The following ROBO2 variants were observed in gnomAD, a reference collection of about 807,000 sequenced individuals.
ROBO2 encodes the protein roundabout homolog 2.
A neutral mutation model predicts 160.8 loss-of-function variants in ROBO2; 53 were observed. That is an observed-to-expected ratio of 0.33 (90% CI 0.26 to 0.41). The LOEUF (loss-of-function observed/expected upper bound fraction) is 0.41. Ranked by LOEUF, ROBO2 falls within the 10% of genes least tolerant of loss-of-function variation. The pLI is 1.00. For missense variants in ROBO2, 1,577 were observed against 1,722.4 expected (o/e 0.92, Z 1.49); for synonymous variants, 664 against 611.7 (o/e 1.09, Z -1.26).
At chr3:76,253,578 G>A (rs72630383) in intron 2 of ROBO2, among the ~76,000 whole-genome samples, 20,410 of 149,484 alleles carry the variant, frequency 0.14, 2,224 homozygotes, top group East Asian at 0.41. Flanking sequence ...TGGCCCATGA[G>A]TAATATCTAA....
intron 5 of ROBO2, among the ~76,000 whole-genome samples, chr3:77,511,047 C>T (rs2089326057): frequency 6.6e-6 from 1 of 151,794 alleles, no homozygotes; most frequent in African/African-American, 2.4e-5. Context: ...TGGAGATGAC[C>T]ACAAAAATTT....
chr3:76,243,218 A>G (rs1039058), intron 2 of ROBO2, among the ~76,000 whole-genome samples: 25,383 of 151,808 alleles, frequency 0.17, 2,941 homozygotes, highest in East Asian at 0.43. Context: ...ATTACATGTC[A>G]CTTCTGATAT....
intron 2 of ROBO2, among the ~76,000 whole-genome samples, chr3:76,424,729 G>C (rs994289255): frequency 6.6e-6 from 1 of 152,134 alleles, no homozygotes; most frequent in Admixed American, 6.5e-5. Flanking sequence ...ACAGTTATGC[G>C]TCGAAAGTGA....
At chr3:77,355,928 A>C (rs902388179) in intron 2 of ROBO2, among the ~76,000 whole-genome samples, 1 of 148,642 alleles carries the variant, frequency 6.7e-6, no homozygotes, top group African/African-American at 2.5e-5. Context: ...ATAATCCAAA[A>C]AAAAAAAAAT....
intron 2 of ROBO2, among the ~76,000 whole-genome samples, chr3:77,240,752 C>T (rs1337493208): frequency 6.6e-6 from 1 of 152,230 alleles, no homozygotes; most frequent in Non-Finnish European, 1.5e-5. Flanking sequence ...TCTTTACTGC[C>T]TTTCAGAAAA....
chr3:77,468,112 G>A (rs189133071), intron 2 of ROBO2, among the ~76,000 whole-genome samples: 8 of 152,266 alleles, frequency 5.3e-5, no homozygotes, highest in Admixed American at 2.0e-4. Flanking sequence ...TTCTGTGGGC[G>A]ATAGCTCTTT....
chr3:76,882,400 C>T (rs1313597676), intron 2 of ROBO2, among the ~76,000 whole-genome samples: 1 of 152,080 alleles, frequency 6.6e-6, no homozygotes, highest in East Asian at 1.9e-4. Context: ...CTACTAAGTT[C>T]ACATTTAGCA....
intron 2 of ROBO2, among the ~76,000 whole-genome samples, chr3:77,417,363 A>G (rs10154924): frequency 0.12 from 18,097 of 152,072 alleles, 1,371 homozygotes; most frequent in East Asian, 0.29. Flanking sequence ...AAAGTTTAGA[A>G]GGATGGTTAG....
chr3:76,918,551 A>G (rs970059263), intron 2 of ROBO2, among the ~76,000 whole-genome samples: 1 of 152,210 alleles, frequency 6.6e-6, no homozygotes, highest in Non-Finnish European at 1.5e-5. Flanking sequence ...GCAAAAAATA[A>G]TATTTTAGTG....
At chr3:76,147,816 A>C (rs1191064184) in intron 2 of ROBO2, among the ~76,000 whole-genome samples, 1 of 152,034 alleles carries the variant, frequency 6.6e-6, no homozygotes, top group Non-Finnish European at 1.5e-5. Context: ...CATGATATGG[A>C]GACTGCATTC....
At chr3:77,206,515 C>G (rs950195124) in intron 2 of ROBO2, among the ~76,000 whole-genome samples, 1 of 152,036 alleles carries the variant, frequency 6.6e-6, no homozygotes, top group Non-Finnish European at 1.5e-5. Context: ...AACCACCTAC[C>G]CAAGTATGAC....
intron 2 of ROBO2, among the ~76,000 whole-genome samples, chr3:76,908,445 C>A (rs1189297739): frequency 1.3e-5 from 2 of 152,102 alleles, no homozygotes; most frequent in Non-Finnish European, 2.9e-5. Context: ...GATGTGACAC[C>A]ATCTAGTAGG....
intron 2 of ROBO2, among the ~76,000 whole-genome samples, chr3:77,208,910 A>G (rs920679625): frequency 6.6e-6 from 1 of 152,164 alleles, no homozygotes; most frequent in South Asian, 2.1e-4. Context: ...TTATCTGCCA[A>G]AAGAACCACT....
intron 2 of ROBO2, among the ~76,000 whole-genome samples, chr3:77,370,852 C>T (rs758013665): frequency 2.0e-5 from 3 of 152,048 alleles, no homozygotes; most frequent in Non-Finnish European, 2.9e-5. Context: ...AACAAGAGAC[C>T]GCATTACCCA....
intron 2 of ROBO2, among the ~76,000 whole-genome samples, chr3:77,440,246 C>T (rs1395058511): frequency 6.6e-6 from 1 of 152,094 alleles, no homozygotes; most frequent in Non-Finnish European, 1.5e-5. Context: ...CCTAGCTTTC[C>T]ATATTGATTG....
At chr3:76,427,286 A>C (rs766462555) in intron 2 of ROBO2, among the ~76,000 whole-genome samples, 1 of 152,078 alleles carries the variant, frequency 6.6e-6, no homozygotes, top group Non-Finnish European at 1.5e-5. Flanking sequence ...ACTCGCTTGC[A>C]ACTGATAGTT....
chr3:77,595,769 A>T (rs923618853), intron 18 of ROBO2, among the ~76,000 whole-genome samples: 10 of 152,192 alleles, frequency 6.6e-5, no homozygotes, highest in African/African-American at 2.4e-4. Context: ...ATTAAGTCTA[A>T]TGAGAGTTTG....
chr3:76,688,373 GT>G (rs1482710518), intron 2 of ROBO2, among the ~76,000 whole-genome samples: 2 of 151,912 alleles, frequency 1.3e-5, no homozygotes, highest in Non-Finnish European at 2.9e-5. Context: ...GCCATGCAAA[GT>G]AATTCAGATT....
intron 2 of ROBO2, among the ~76,000 whole-genome samples, chr3:76,332,950 T>TA (rs970070124): frequency 1.3e-5 from 2 of 152,198 alleles, no homozygotes; most frequent in African/African-American, 4.8e-5. Flanking sequence ...GAGGACTTGT[T>TA]AAAACAAATT....
Sources: allele counts gnomAD v4.1 joint callset (sites outside exome capture counted in the v4.1 genomes callset), GRCh38; gene constraint gnomAD v4.1.1; transcripts MANE v1.5; gene names NCBI Gene and HGNC (gene_info 2026-07-23, HGNC 2026-07-21).